ARHGEF38: variants seen among roughly 807,000 people sequenced by gnomAD.
ARHGEF38 encodes the protein Rho guanine nucleotide exchange factor (GEF) 38.
Under a neutral mutation model 79.9 loss-of-function variants are expected in ARHGEF38, and 79 were observed. That is an observed-to-expected ratio of 0.99 (90% CI 0.82 to 1.19). The LOEUF is 1.19. ARHGEF38 is among the 50% of genes most tolerant of loss of function. The pLI, the probability that ARHGEF38 is intolerant of heterozygous loss-of-function variation, is 0.00. For synonymous variants in ARHGEF38, 366 were observed against 328.3 expected, an observed-to-expected ratio of 1.11 and a Z score of -1.24; for missense variants, 962 against 907.2, an observed-to-expected ratio of 1.06 and a Z score of -0.78.
At chr4:105,613,287 C>A in intron 2 of ARHGEF38, 97 bp from the exon 3 acceptor site, 1 of 1,382,114 alleles carries the variant, frequency 7.2e-7, no homozygotes, top group South Asian at 1.7e-5. Context: ...TTAATGGAGA[C>A]AGCATGCGCT....
chr4:105,615,772 A>T (rs1207103125), intron 3 of ARHGEF38, among the ~76,000 whole-genome samples: 3 of 152,222 alleles, frequency 2.0e-5, no homozygotes. Context: ...AAACTCTGAA[A>T]CATAGTCCAT....
At chr4:105,659,540 G>C (rs1406844958) in intron 10 of ARHGEF38, among the ~76,000 whole-genome samples, 175 bp downstream of exon 10, 2 of 152,028 alleles carry the variant, frequency 1.3e-5, no homozygotes, top group Non-Finnish European at 2.9e-5. Flanking sequence ...CTTATCCATG[G>C]GAAACTCAAA....
At chr4:105,570,202 T>A (rs1296156176) in intron 1 of ARHGEF38, 3 of 152,172 alleles carry the variant, frequency 2.0e-5, no homozygotes, top group Non-Finnish European at 4.4e-5. Context: ...ATTTTTAGAG[T>A]TGTGAGAAAG....
intron 5 of ARHGEF38, among the ~76,000 whole-genome samples, 189 bp downstream of exon 5, chr4:105,636,609 T>G (rs867043765): frequency 6.6e-6 from 1 of 152,024 alleles, no homozygotes; most frequent in Non-Finnish European, 1.5e-5. Flanking sequence ...TCACATATAC[T>G]TTACCAAACC....
At chr4:105,559,762 G>T (rs1176386259) in intron 1 of ARHGEF38, among the ~76,000 whole-genome samples, 1 of 152,052 alleles carries the variant, frequency 6.6e-6, no homozygotes, top group Non-Finnish European at 1.5e-5. Context: ...TGTGGTTTTT[G>T]ACTGTAATCT....
chr4:105,601,017 T>A (rs1326457935), intron 2 of ARHGEF38, among the ~76,000 whole-genome samples: 1 of 152,136 alleles, frequency 6.6e-6, no homozygotes, highest in Non-Finnish European at 1.5e-5. Flanking sequence ...TCTTTCTTCC[T>A]CTACCCTGTT....
intron 1 of ARHGEF38, among the ~76,000 whole-genome samples, chr4:105,574,225 CA>C (rs1312755380): frequency 6.6e-6 from 1 of 151,912 alleles, no homozygotes; most frequent in Non-Finnish European, 1.5e-5. Context: ...CTAATTGCTC[CA>C]GCTAGAATTT....
chr4:105,555,996 A>T (rs1401381255), intron 1 of ARHGEF38, among the ~76,000 whole-genome samples: 2 of 152,204 alleles, frequency 1.3e-5, no homozygotes, highest in Non-Finnish European at 2.9e-5. Context: ...TTTGCAGAAG[A>T]TTGTGATCAC....
intron 9 of ARHGEF38, among the ~76,000 whole-genome samples, chr4:105,656,513 T>A (rs1211952850): frequency 2.0e-5 from 3 of 152,192 alleles, no homozygotes; most frequent in African/African-American, 7.2e-5. Context: ...ATCTTGGGAA[T>A]CATAAAAACA....
At chr4:105,609,635 C>T (rs1459726893) in intron 2 of ARHGEF38, among the ~76,000 whole-genome samples, 1 of 151,846 alleles carries the variant, frequency 6.6e-6, no homozygotes, top group Non-Finnish European at 1.5e-5. Context: ...CACACAAGAC[C>T]CTGAAGCGCC....
chr4:105,672,779 A>G (rs1730997978), intron 13 of ARHGEF38, among the ~76,000 whole-genome samples: 1 of 152,182 alleles, frequency 6.6e-6, no homozygotes, highest in South Asian at 2.1e-4. Flanking sequence ...TTCCCAGCTC[A>G]TGGTCATTGG....
intron 1 of ARHGEF38, among the ~76,000 whole-genome samples, chr4:105,580,126 G>A (rs571197424): frequency 1.3e-5 from 2 of 150,880 alleles, no homozygotes; most frequent in African/African-American, 2.4e-5. Flanking sequence ...TTCTTTATTA[G>A]TCTAGCTAGC....
intron 1 of ARHGEF38, among the ~76,000 whole-genome samples, chr4:105,571,427 A>C (rs1726228571): frequency 6.8e-6 from 1 of 146,526 alleles, no homozygotes. Flanking sequence ...GGTTCTCGCC[A>C]TTCTCCTGCC....
At chr4:105,630,778 C>A (rs185126959) in intron 3 of ARHGEF38, 120 bp from the exon 4 acceptor site, 3 of 751,540 alleles carry the variant, frequency 4.0e-6, no homozygotes, top group Non-Finnish European at 6.0e-6. Context: ...CCCTGAATAA[C>A]CTGGGGATAA....
intron 13 of ARHGEF38, among the ~76,000 whole-genome samples, chr4:105,672,148 A>T (rs1210839416): frequency 6.6e-6 from 1 of 152,160 alleles, no homozygotes; most frequent in African/African-American, 2.4e-5. Flanking sequence ...TGGTCTATGA[A>T]TGAGTTTTGG....
At chr4:105,600,732 GTTCCTAAT>G (rs1350775060) in intron 2 of ARHGEF38, among the ~76,000 whole-genome samples, 7 of 152,084 alleles carry the variant, frequency 4.6e-5, no homozygotes, top group African/African-American at 1.7e-4. Flanking sequence ...TCAAAACTGA[GTTCCTAAT>G]TTCCTCTTTA....
At chr4:105,607,330 T>C (rs1728092039) in intron 2 of ARHGEF38, among the ~76,000 whole-genome samples, 1 of 152,144 alleles carries the variant, frequency 6.6e-6, no homozygotes, top group African/African-American at 2.4e-5. Flanking sequence ...CCACTTTTGA[T>C]CTTTGCATGC....
chr4:105,627,780 TA>T (rs1239473267), intron 3 of ARHGEF38, among the ~76,000 whole-genome samples: 1 of 152,148 alleles, frequency 6.6e-6, no homozygotes, highest in African/African-American at 2.4e-5. Flanking sequence ...CCTTCACCAC[TA>T]AAGAAATGCA....
At chr4:105,558,138 G>A (rs750501679) in intron 1 of ARHGEF38, among the ~76,000 whole-genome samples, 1 of 152,170 alleles carries the variant, frequency 6.6e-6, no homozygotes, top group Non-Finnish European at 1.5e-5. Context: ...CCACCCTACT[G>A]TATGAACTTT....
Sources: allele counts gnomAD v4.1 joint callset (sites outside exome capture counted in the v4.1 genomes callset), GRCh38; gene constraint gnomAD v4.1.1; transcripts MANE v1.5; gene names NCBI Gene and HGNC (gene_info 2026-07-23, HGNC 2026-07-21).